The following VPS37A variants were observed in gnomAD, a reference collection of about 807,000 sequenced individuals.
The protein encoded by VPS37A is VPS37A subunit of ESCRT-I.
VPS37A carries 30 observed loss-of-function variants against 49.8 expected under a neutral mutation model. The observed-to-expected ratio is 0.60, with a 90% CI of 0.45 to 0.82. The LOEUF (loss-of-function observed/expected upper bound fraction) is 0.82. Among genes scored for constraint, VPS37A ranks in the 40% least tolerant of loss-of-function variants. The probability of loss-of-function intolerance (pLI) is 0.00; values close to 1 mark genes in which losing one functional copy is unlikely to be tolerated. For missense variants in VPS37A, 593 were observed against 464.4 expected (o/e 1.28, Z -2.55); for synonymous variants, 195 against 160.6 (o/e 1.21, Z -1.62).
the VPS37A span, chr8:17,313,428 C>T: frequency 6.9e-7 from 1 of 1,452,586 alleles, no homozygotes; most frequent in Non-Finnish European, 9.6e-7. Context: ...GTTATAAAAG[C>T]AAAATTAAGG....
intron 4 of VPS37A, among the ~76,000 whole-genome samples, chr8:17,272,786 AG>A (rs1563263291): frequency 6.6e-6 from 1 of 152,150 alleles, no homozygotes; most frequent in Non-Finnish European, 1.5e-5. Context: ...AATTTTTTCT[AG>A]GGGTCATATA....
At chr8:17,314,935 A>G in the VPS37A span, among the ~76,000 whole-genome samples, 1 of 152,192 alleles carries the variant, frequency 6.6e-6, no homozygotes, top group African/African-American at 2.4e-5. Flanking sequence ...TGTCTGATAA[A>G]GTACATGCAG....
At chr8:17,284,440 T>G (rs752755924) in intron 9 of VPS37A, 33 bp from the exon 10 acceptor site, 4 of 1,544,570 alleles carry the variant, frequency 2.6e-6, no homozygotes, top group Non-Finnish European at 2.6e-6. Context: ...GTGAGTATCA[T>G]AAATTAAAGT....
In VPS37A at chr8:17,274,676, ATT is replaced by A. The variant is rs878907711; in HGVS notation, c.417-55_417-54del. ...TGTTATTTAGAACAATTTAGAAACA[ATT>A]TGACATGTTTTATCCATAAAATCTA... On this transcript the variant is annotated intron_variant, in intron 4 of 11. Coordinates refer to ENST00000324849, the MANE Select transcript of VPS37A (RefSeq NM_152415.3). 52 of 1,417,574 alleles carry A rather than the reference ATT, an allele frequency of 3.7e-5. No individual in the cohort carries two copies. In the South Asian group the frequency reaches 5.8e-4, roughly 16 times the overall value. The allele number at this position is 1,417,574 out of a possible 1,614,324, so 87.8% of individuals were successfully genotyped here. A position where few individuals can be genotyped will look rare whatever the true frequency, so the allele number is the denominator to read the frequency against.
downstream of VPS37A, among the ~76,000 whole-genome samples, chr8:17,303,707 T>G (rs1563314135): frequency 6.6e-6 from 1 of 151,874 alleles, no homozygotes; most frequent in Non-Finnish European, 1.5e-5. Flanking sequence ...CCTCCCTGGT[T>G]CAAGTGATTC....
At chr8:17,305,777 T>C (rs1320740992), downstream of VPS37A, 3 of 1,612,476 alleles carry the variant, frequency 1.9e-6, no homozygotes. Flanking sequence ...GTCTCTCCTT[T>C]TGGCTGTTAC....
chr8:17,281,875 A>G (rs957144746), intron 9 of VPS37A, among the ~76,000 whole-genome samples: 1 of 152,086 alleles, frequency 6.6e-6, no homozygotes, highest in African/African-American at 2.4e-5. Flanking sequence ...ATGCCATAAA[A>G]GAAGAGCTGA....
At chr8:17,279,951 G>GA in intron 6 of VPS37A, 77 bp from the exon 7 acceptor site, 1 of 1,593,880 alleles carries the variant, frequency 6.3e-7, no homozygotes, top group Non-Finnish European at 8.6e-7. Context: ...AACTAAAGCT[G>GA]AAAAATTGTA....
intron 1 of VPS37A, among the ~76,000 whole-genome samples, chr8:17,265,185 T>A (rs1490165412): frequency 6.6e-6 from 1 of 152,146 alleles, no homozygotes; most frequent in Non-Finnish European, 1.5e-5. Flanking sequence ...CTATTAGAAG[T>A]CTAGTTCCTA....
intron 1 of VPS37A, among the ~76,000 whole-genome samples, chr8:17,258,620 G>A (rs1812693825): frequency 6.6e-6 from 1 of 151,824 alleles, no homozygotes; most frequent in Non-Finnish European, 1.5e-5. Flanking sequence ...TGTTTCTATG[G>A]GTGATGCTGA....
At chr8:17,333,139 G>A in the VPS37A span, among the ~76,000 whole-genome samples, 1 of 152,106 alleles carries the variant, frequency 6.6e-6, no homozygotes, top group Admixed American at 6.5e-5. Context: ...TGTGACATCA[G>A]CTGGGCCACA....
the VPS37A span, among the ~76,000 whole-genome samples, chr8:17,332,619 C>G: frequency 1.3e-5 from 2 of 152,214 alleles, no homozygotes; most frequent in Non-Finnish European, 2.9e-5. Flanking sequence ...GCCGCTGCTG[C>G]TGCCCAGCAT....
chr8:17,328,818 A>G, the VPS37A span, among the ~76,000 whole-genome samples: 1 of 152,238 alleles, frequency 6.6e-6, no homozygotes, highest in African/African-American at 2.4e-5. Flanking sequence ...CACTTCATTA[A>G]ATAACAAAAT....
chr8:17,273,947 C>T (rs951443160), intron 4 of VPS37A, among the ~76,000 whole-genome samples: 2 of 152,064 alleles, frequency 1.3e-5, no homozygotes, highest in Non-Finnish European at 2.9e-5. Context: ...GTCCCTTATC[C>T]TTTACACTAG....
chr8:17,287,374 C>CT, intron 11 of VPS37A, among the ~76,000 whole-genome samples: 1 of 152,022 alleles, frequency 6.6e-6, no homozygotes, highest in Admixed American at 6.6e-5. Context: ...CATCTCTATT[C>CT]TTTTTTAAAA....
the VPS37A span, among the ~76,000 whole-genome samples, chr8:17,316,714 T>G: frequency 6.6e-6 from 1 of 152,218 alleles, no homozygotes; most frequent in African/African-American, 2.4e-5. Flanking sequence ...GTGTAACGAC[T>G]ATTTACACAG....
intron 1 of VPS37A, chr8:17,247,611 C>T (rs749066629): frequency 2.0e-5 from 14 of 707,310 alleles, no homozygotes; most frequent in South Asian, 1.8e-4. Context: ...CTCATCCCTC[C>T]TGACACATAG....
At chr8:17,302,342 A>T (rs1817172448), downstream of VPS37A, 3 of 1,544,968 alleles carry the variant, frequency 1.9e-6, no homozygotes, top group South Asian at 2.5e-5. Context: ...TCACATCCTC[A>T]AGTCTTCTAA....
Position 17,268,385 on chromosome 8 carries a change from G to C in VPS37A, c.315+13G>C, listed in dbSNP as rs766526658. On this transcript the variant is annotated intron_variant, in intron 3 of 11. Coordinates refer to ENST00000324849, the MANE Select transcript of VPS37A (RefSeq NM_152415.3). Reference sequence around the variant, plus strand: ...ATTAGTAAACAATGTATGTATATGGGATAATTTATTTCAGGGTAATATAAT... The same window carrying C: ...ATTAGTAAACAATGTATGTATATGGCATAATTTATTTCAGGGTAATATAAT... The C allele has an allele frequency of 1.9e-6, 3 of 1,543,674 alleles. No homozygotes were observed. Among genetic ancestry groups the C allele is most frequent in the Non-Finnish European group, 2.7e-6 (3 of 1,121,920 alleles).
Sources: allele counts gnomAD v4.1 joint callset (sites outside exome capture counted in the v4.1 genomes callset), GRCh38; gene constraint gnomAD v4.1.1; transcripts MANE v1.5; gene names NCBI Gene and HGNC (gene_info 2026-07-23, HGNC 2026-07-21).